The following RPL17 variants were observed in gnomAD, a reference collection of about 807,000 sequenced individuals.
RPL17 encodes ribosomal protein L17.
Under a neutral mutation model 27.7 loss-of-function variants are expected in RPL17, and 2 were observed. The ratio of observed to expected loss-of-function variants is 0.07; its 90% CI spans 0.03 to 0.23. RPL17 has a LOEUF of 0.23. Among genes scored for constraint, RPL17 ranks in the 10% least tolerant of loss-of-function variants. RPL17 has a pLI of 1.00. For missense variants in RPL17, 141 were observed against 238.8 expected, an observed-to-expected ratio of 0.59 and a Z score of 2.70; for synonymous variants, 76 against 75.5, an observed-to-expected ratio of 1.01 and a Z score of -0.03.
intron 1 of RPL17, 124 bp from the exon 2 acceptor site, chr18:49,491,708 C>A: frequency 8.1e-7 from 1 of 1,237,734 alleles, no homozygotes; most frequent in South Asian, 1.2e-5. Flanking sequence ...CAAAGGTGTC[C>A]TAAGAAATGC....
chr18:49,491,354 T>G lies in RPL17; in HGVS notation c.81+51A>C, dbSNP rs753967191. 5 of 1,613,882 alleles carry G rather than the reference T, an allele frequency of 3.1e-6. No individual in the cohort carries two copies. In the Admixed American group the frequency reaches 6.7e-5, roughly 22 times the overall value. On this transcript the variant is annotated intron_variant, in intron 3 of 6. Transcript: ENST00000580261. Reference sequence around the variant, plus strand: ...AAGAAAGTCATCACTGCAGCTACCTTTTTTGAGTGGAACATGAGGAACTGT... The same window carrying G: ...AAGAAAGTCATCACTGCAGCTACCTGTTTTGAGTGGAACATGAGGAACTGT...
In RPL17 at chr18:49,492,341, AT is replaced by A. The variant is rs375406960; in HGVS notation, c.-14+116del. 4.8e-4 allele frequency: 73 copies of A among 153,152 alleles called. 1 individual carries two copies. The South Asian group carries it at 0.014, about 30-fold the overall frequency. 9.5% of individuals were successfully genotyped at this position (153,152 alleles called of 1,614,324 possible). On this transcript the variant is annotated intron_variant, in intron 1 of 6. Transcript: ENST00000580261. ...TAAGAAGCCACCGCCTCCAGCGAGG[AT>A]TTAGTAGCCCTAGGAGTTCTCCTCC...
intron 6 of RPL17, among the ~76,000 whole-genome samples, chr18:49,488,836 T>C (rs2083845771): frequency 6.6e-6 from 1 of 152,026 alleles, no homozygotes; most frequent in Non-Finnish European, 1.5e-5. Flanking sequence ...GAAGTGGCTA[T>C]GTACATCTAA....
At chr18:49,490,760 C>T in intron 4 of RPL17, 33 bp downstream of exon 4, 3 of 1,612,810 alleles carry the variant, frequency 1.9e-6, no homozygotes, top group Non-Finnish European at 2.5e-6. Context: ...CCATTAAAAT[C>T]TGTCTTTTCA....
At chr18:49,489,892 G>C (rs2083930316) in intron 5 of RPL17, among the ~76,000 whole-genome samples, 1 of 152,176 alleles carries the variant, frequency 6.6e-6, no homozygotes, top group African/African-American at 2.4e-5. Flanking sequence ...TAGAAGGTTT[G>C]GAGCCATACA....
intron 4 of RPL17, 68 bp from the exon 5 acceptor site, chr18:49,490,620 T>C: frequency 1.9e-6 from 3 of 1,607,312 alleles, no homozygotes; most frequent in Non-Finnish European, 1.7e-6. Context: ...AAGATGAATT[T>C]ATCTGATATC....
At chr18:49,491,324 G>A (rs759166661) in intron 3 of RPL17, 81 bp downstream of exon 3, 1 of 1,592,910 alleles carries the variant, frequency 6.3e-7, no homozygotes, top group Non-Finnish European at 8.6e-7. Flanking sequence ...ATCCAAAGGT[G>A]TCCTAAGAAA....
intron 5 of RPL17, 130 bp from the exon 6 acceptor site, chr18:49,489,680 G>A (rs1379864697): frequency 3.1e-6 from 3 of 954,200 alleles, no homozygotes; most frequent in East Asian, 2.6e-5. Flanking sequence ...ATTTTTAAAA[G>A]GCAATCCTTT....
intron 1 of RPL17, chr18:49,491,859 C>A: frequency 1.7e-6 from 1 of 587,444 alleles, no homozygotes. Context: ...CAGCCTGTTT[C>A]AATCCAATGC....
intron 3 of RPL17, 112 bp from the exon 4 acceptor site, chr18:49,491,039 TG>T: frequency 2.6e-6 from 4 of 1,534,424 alleles, no homozygotes; most frequent in Non-Finnish European, 8.8e-7. Context: ...TTCTATTCTT[TG>T]GGGGCAAGGC....
chr18:49,491,717 G>T, intron 1 of RPL17, 133 bp from the exon 2 acceptor site: 1 of 1,159,038 alleles, frequency 8.6e-7, no homozygotes, highest in Non-Finnish European at 1.3e-6. Flanking sequence ...CCTAAGAAAT[G>T]CCATCATCGC....
chr18:49,491,269 C>T, intron 3 of RPL17, 136 bp downstream of exon 3: 2 of 1,363,166 alleles, frequency 1.5e-6, no homozygotes, highest in Non-Finnish European at 2.1e-6. Flanking sequence ...TCATCAATGC[C>T]TAAATATAAG....
intron 6 of RPL17, chr18:49,489,113 G>A (rs552719814): frequency 3.1e-4 from 121 of 394,668 alleles, no homozygotes; most frequent in South Asian, 2.9e-3. Context: ...GTGTTAGCCA[G>A]GATGGTCTCG....
intron 5 of RPL17, among the ~76,000 whole-genome samples, chr18:49,489,956 G>A (rs2083934109): frequency 3.3e-5 from 5 of 152,100 alleles, no homozygotes; most frequent in Admixed American, 3.3e-4. Flanking sequence ...AAGGCTAATG[G>A]GTAATATACA....
chr18:49,490,642 G>C, intron 4 of RPL17, 90 bp from the exon 5 acceptor site: 1 of 1,596,430 alleles, frequency 6.3e-7, no homozygotes, highest in South Asian at 1.1e-5. Context: ...CGGTTTCTTA[G>C]GATATGGTTT....
intron 6 of RPL17, among the ~76,000 whole-genome samples, 194 bp from the exon 7 acceptor site, chr18:49,488,760 TAAAA>T (rs1226074035): frequency 6.6e-6 from 1 of 152,162 alleles, no homozygotes; most frequent in Non-Finnish European, 1.5e-5. Flanking sequence ...GTTCTTGACT[TAAAA>T]GAACTAAATG....
At chr18:49,489,753 C>G (rs2083918922) in intron 5 of RPL17, among the ~76,000 whole-genome samples, 1 of 152,072 alleles carries the variant, frequency 6.6e-6, no homozygotes, top group Non-Finnish European at 1.5e-5. Context: ...TCTAAATTGC[C>G]ACCAAACTCA....
chr18:49,491,379 T>C (rs1283313403), intron 3 of RPL17, 26 bp downstream of exon 3: 4 of 1,614,160 alleles, frequency 2.5e-6, no homozygotes, highest in Admixed American at 1.7e-5. Context: ...TGAGGAACTG[T>C]TGGATCACAA....
chr18:49,489,170 G>C (rs1047927247), intron 6 of RPL17, 189 bp downstream of exon 6: 14 of 572,812 alleles, frequency 2.4e-5, no homozygotes, highest in African/African-American at 1.9e-4. Context: ...CAAAGTGCTG[G>C]GATTACAGAA....
Sources: allele counts gnomAD v4.1 joint callset (sites outside exome capture counted in the v4.1 genomes callset), GRCh38; gene constraint gnomAD v4.1.1; transcripts MANE v1.5; gene names NCBI Gene and HGNC (gene_info 2026-07-23, HGNC 2026-07-21).